Variants in ABCB7 observed in about 807,000 individuals in gnomAD.
ABCB7 encodes ATP binding cassette subfamily B member 7, also known as iron-sulfur clusters transporter ABCB7, mitochondrial.
Under a neutral mutation model 54.4 loss-of-function variants are expected in ABCB7, and 7 were observed. The observed-to-expected ratio is 0.13, with a 90% CI of 0.07 to 0.24. The LOEUF is 0.24. Among genes scored for constraint, ABCB7 ranks in the 10% least tolerant of loss-of-function variants. The pLI is 1.00. For synonymous variants in ABCB7, 218 were observed against 207.1 expected, an observed-to-expected ratio of 1.05 and a Z score of -0.45; for missense variants, 356 against 570.4, an observed-to-expected ratio of 0.62 and a Z score of 3.83.
At chrX:75,140,368 C>T (rs907338290) in intron 1 of ABCB7, among the ~76,000 whole-genome samples, 4 of 110,806 alleles carry the variant, frequency 3.6e-5, no homozygotes, top group Middle Eastern at 4.7e-3. Flanking sequence ...GGTTCAAGTC[C>T]ATCGTGGGCA....
chrX:75,144,360 T>C (rs1482571389), intron 1 of ABCB7, among the ~76,000 whole-genome samples: 1 of 111,866 alleles, frequency 8.9e-6, no homozygotes, highest in Non-Finnish European at 1.9e-5. Flanking sequence ...TTATGTCTAG[T>C]ATGACTAAGT....
intron 1 of ABCB7, among the ~76,000 whole-genome samples, chrX:75,132,288 T>C (rs1193873326): frequency 8.9e-6 from 1 of 111,809 alleles, no homozygotes; most frequent in Non-Finnish European, 1.9e-5. Flanking sequence ...GAGGCCACAA[T>C]GACTTCTCTG....
intron 1 of ABCB7, among the ~76,000 whole-genome samples, chrX:75,141,977 T>A (rs2082057431): frequency 8.9e-6 from 1 of 112,114 alleles, no homozygotes; most frequent in South Asian, 3.7e-4. Flanking sequence ...TAATGGATTT[T>A]AACTCATAGA....
At chrX:75,111,671 C>A (rs1418712470) in intron 3 of ABCB7, among the ~76,000 whole-genome samples, 1 of 112,299 alleles carries the variant, frequency 8.9e-6, no homozygotes, top group Non-Finnish European at 1.9e-5. Context: ...TAAACTAATA[C>A]AAAGATGGCA....
intron 13 of ABCB7, 78 bp from the exon 14 acceptor site, chrX:75,062,509 C>T (rs909048232): frequency 2.8e-6 from 2 of 712,582 alleles, no homozygotes; most frequent in Non-Finnish European, 4.4e-6. Flanking sequence ...TTGATTACAA[C>T]CACCAAGTAA....
intron 15 of ABCB7, 35 bp downstream of exon 15, chrX:75,060,188 C>A (rs1168694587): frequency 9.3e-7 from 1 of 1,073,862 alleles, no homozygotes; most frequent in African/African-American, 1.8e-5. Flanking sequence ...TTCCAGTGTT[C>A]CTCAAATACT....
Position 75,069,084 on chromosome X carries a change from T to A in ABCB7, c.1582A>T (p.Ser528Cys). ...ATATTTTGACCAGCAAGATAAATGC[T>A]ACCCTTTTGAGGCTCATAGAAGCGA... ...LFRFYEPQKG[S>C]IYLAGQNIQD... Residue 528 changes from serine to cysteine, a missense_variant, in exon 12 of 16, where the codon AGC becomes TGC. This residue lies in a region of ABCB7 where 241 missense variants were observed against 470.9 expected (regional missense o/e 0.51). Coordinates refer to ENST00000373394, the MANE Select transcript of ABCB7 (RefSeq NM_001271696.3). 1.7e-6 allele frequency: 2 copies of A among 1,209,489 alleles called. No homozygotes were observed. The highest frequency in any genetic ancestry group is 2.2e-6 in the Non-Finnish European group (2 of 893,283).
intron 1 of ABCB7, among the ~76,000 whole-genome samples, chrX:75,116,660 A>G (rs953673236): frequency 3.6e-5 from 4 of 111,488 alleles, no homozygotes; most frequent in Admixed American, 1.9e-4. Context: ...AGTGTCTCCC[A>G]AAGTATCAGA....
intron 1 of ABCB7, among the ~76,000 whole-genome samples, chrX:75,115,933 A>T (rs1187365304): frequency 9.0e-6 from 1 of 111,698 alleles, no homozygotes. Context: ...GCCAAATTCC[A>T]ACCTGACTGC....
intron 15 of ABCB7, among the ~76,000 whole-genome samples, chrX:75,059,921 C>G (rs1385084791): frequency 8.9e-6 from 1 of 111,829 alleles, no homozygotes; most frequent in African/African-American, 3.2e-5. Flanking sequence ...CTATTCAGAG[C>G]AAAACTGAAG....
At chrX:75,108,139 A>C (rs1310212561) in intron 3 of ABCB7, among the ~76,000 whole-genome samples, 1 of 111,118 alleles carries the variant, frequency 9.0e-6, no homozygotes, top group Admixed American at 9.5e-5. Flanking sequence ...AGGAGTGGGA[A>C]GGACTGCATC....
intron 15 of ABCB7, 140 bp from the exon 16 acceptor site, chrX:75,053,725 A>G: frequency 2.1e-6 from 2 of 972,880 alleles, no homozygotes; most frequent in Non-Finnish European, 2.7e-6. Context: ...CATACACAGT[A>G]TAAGTGAAAA....
chrX:75,103,489 C>T (rs889498593), intron 3 of ABCB7, among the ~76,000 whole-genome samples: 1 of 111,163 alleles, frequency 9.0e-6, no homozygotes, highest in African/African-American at 3.3e-5. Context: ...GTGTTTATAC[C>T]AATACCATGC....
In ABCB7 at chrX:75,079,420, T is replaced by C. The variant is rs1480833733; in HGVS notation, c.454-2766A>G. Among the ~76,000 whole-genome samples the C allele has an allele frequency of 4.5e-5, 5 of 112,030 alleles. No individual in the cohort carries two copies. In the Admixed American group the frequency reaches 4.7e-4, roughly 11 times the overall value. The stretch of plus-strand genomic sequence containing the variant: ...ATATTTTGGGGATGGGACTAGCAAA[T>C]AGTGGTTTTCCCCAATATCCTGCCT... On this transcript the variant is annotated intron_variant, in intron 4 of 15. Transcript: ENST00000373394.
chrX:75,086,829 C>G (rs1306674125), intron 4 of ABCB7, among the ~76,000 whole-genome samples: 1 of 111,404 alleles, frequency 9.0e-6, no homozygotes, highest in African/African-American at 3.3e-5. Context: ...GCAAAGAAAC[C>G]AGCCAAAACC....
At chrX:75,082,040 G>A (rs955240769) in intron 4 of ABCB7, among the ~76,000 whole-genome samples, 3 of 110,709 alleles carry the variant, frequency 2.7e-5, no homozygotes, top group Admixed American at 9.6e-5. Context: ...AAGTACCAAC[G>A]AAATAATGGC....
chrX:75,094,021 T>TATATATAC (rs1555949289), intron 4 of ABCB7, among the ~76,000 whole-genome samples: 18 of 23,486 alleles, frequency 7.7e-4, no homozygotes, highest in Admixed American at 1.1e-3. Context: ...GTTATATACA[T>TATATATAC]ATATATATAT....
At chrX:75,067,097 C>T (rs1200838481) in intron 12 of ABCB7, among the ~76,000 whole-genome samples, 4 of 111,824 alleles carry the variant, frequency 3.6e-5, no homozygotes, top group Non-Finnish European at 7.5e-5. Flanking sequence ...ACTTGATACA[C>T]ACTGCCAATT....
At chrX:75,066,664 C>T (rs947974807) in intron 12 of ABCB7, among the ~76,000 whole-genome samples, 1 of 105,590 alleles carries the variant, frequency 9.5e-6, no homozygotes, top group African/African-American at 3.4e-5. Context: ...TAAATATATA[C>T]AATAATGTTT....
Sources: allele counts gnomAD v4.1 joint callset (sites outside exome capture counted in the v4.1 genomes callset), GRCh38; gene constraint gnomAD v4.1.1; regional missense constraint gnomAD v4.1.1; transcripts MANE v1.5; gene names NCBI Gene and HGNC (gene_info 2026-07-23, HGNC 2026-07-21).